ROBO2: variants seen among roughly 807,000 people sequenced by gnomAD.
ROBO2 encodes roundabout guidance receptor 2, also known as roundabout homolog 2.
ROBO2 carries 53 observed loss-of-function variants against 160.8 expected under a neutral mutation model. The observed-to-expected ratio is 0.33, with a 90% CI of 0.26 to 0.41. The LOEUF (loss-of-function observed/expected upper bound fraction) is 0.41. ROBO2 is among the 10% of genes least tolerant of loss of function. ROBO2 has a pLI of 1.00. For synonymous variants in ROBO2, 664 were observed against 611.7 expected (o/e 1.09, Z -1.26); for missense variants, 1,577 against 1,722.4 (o/e 0.92, Z 1.49).
intron 2 of ROBO2, among the ~76,000 whole-genome samples, chr3:76,235,643 AC>A (rs954527547): frequency 9.9e-5 from 15 of 152,214 alleles, no homozygotes; most frequent in African/African-American, 3.6e-4. Flanking sequence ...CCTCAGGGTA[AC>A]TTTCTAAATT....
At chr3:76,294,474 C>T (rs986229772) in intron 2 of ROBO2, among the ~76,000 whole-genome samples, 1 of 152,128 alleles carries the variant, frequency 6.6e-6, no homozygotes, top group African/African-American at 2.4e-5. Flanking sequence ...CCTTAATTGG[C>T]CCCAAATATC....
rs1372077507 is a variant in ROBO2, at chr3:77,369,469, T to A, written c.389-107945T>A. Among the ~76,000 whole-genome samples, 3 of 152,116 alleles carry A rather than the reference T, an allele frequency of 2.0e-5. No individual in the cohort carries two copies. The East Asian group carries it at 5.8e-4, about 29-fold the overall frequency. On this transcript the variant is annotated intron_variant, in intron 2 of 25. Transcript: ENST00000461745. Reference sequence around the variant, plus strand: ...TCTCTTGGAAACCAAGCGATAATCTTGTATAATGTTGAGTGATGCTAGCAG... The same window carrying A: ...TCTCTTGGAAACCAAGCGATAATCTAGTATAATGTTGAGTGATGCTAGCAG...
intron 2 of ROBO2, among the ~76,000 whole-genome samples, chr3:76,665,292 C>G (rs1295814168): frequency 6.6e-6 from 1 of 151,988 alleles, no homozygotes; most frequent in African/African-American, 2.4e-5. Flanking sequence ...TTGAAATCCT[C>G]AATAGCAAAG....
chr3:76,557,792 T>A (rs1333620627), intron 2 of ROBO2, among the ~76,000 whole-genome samples: 1 of 151,810 alleles, frequency 6.6e-6, no homozygotes, highest in Non-Finnish European at 1.5e-5. Flanking sequence ...ACTTGAAAAT[T>A]CTTTTCTTAC....
intron 2 of ROBO2, among the ~76,000 whole-genome samples, chr3:77,266,305 A>G (rs985275672): frequency 1.3e-5 from 2 of 151,804 alleles, no homozygotes; most frequent in African/African-American, 2.4e-5. Context: ...GATATGGACA[A>G]TCATTGAGCC....
chr3:77,148,911 G>T (rs2077332080), intron 2 of ROBO2, among the ~76,000 whole-genome samples: 1 of 152,036 alleles, frequency 6.6e-6, no homozygotes, highest in Non-Finnish European at 1.5e-5. Flanking sequence ...TTAAAAGAAT[G>T]TTTGAGAAAG....
chr3:77,034,072 A>T (rs1578398916), intron 2 of ROBO2, among the ~76,000 whole-genome samples: 3 of 126,728 alleles, frequency 2.4e-5, no homozygotes, highest in African/African-American at 1.0e-4. Context: ...TTGCTCAGAG[A>T]AAAAAAAAAT....
chr3:76,894,096 A>G (rs1368172531), intron 2 of ROBO2, among the ~76,000 whole-genome samples: 1 of 152,216 alleles, frequency 6.6e-6, no homozygotes, highest in Middle Eastern at 3.4e-3. Context: ...CTTGGTCTGT[A>G]CTTTGTTATT....
In ROBO2 at chr3:76,942,566, A is replaced by G. The variant is rs555217707; in HGVS notation, c.110-155448A>G. On this transcript the variant is annotated intron_variant, in intron 2 of 26. Transcript: ENST00000487694. The stretch of plus-strand genomic sequence containing the variant: ...CTCGTGGAAAAGCAGAAGCTCATAT[A>G]TGCCTGGGGATGCTTTTCTACACTC... Among the ~76,000 whole-genome samples the G allele has an allele frequency of 3.9e-5, 6 of 152,288 alleles. No homozygotes were observed. The South Asian group carries it at 1.2e-3, about 32-fold the overall frequency.
intron 2 of ROBO2, among the ~76,000 whole-genome samples, chr3:76,322,794 T>TAGGA (rs2072676712): frequency 6.6e-6 from 1 of 152,210 alleles, no homozygotes; most frequent in East Asian, 1.9e-4. Flanking sequence ...GTTTAAATTC[T>TAGGA]TACAATTTTG....
At chr3:77,211,615 T>C (rs1033250255) in intron 2 of ROBO2, among the ~76,000 whole-genome samples, 18 of 152,212 alleles carry the variant, frequency 1.2e-4, no homozygotes, top group Non-Finnish European at 2.9e-5. Flanking sequence ...TTTGTTACCA[T>C]TGCTTTTGGT....
chr3:77,074,117 G>A (rs2067694893), intron 1 of ROBO2, among the ~76,000 whole-genome samples: 1 of 152,130 alleles, frequency 6.6e-6, no homozygotes, highest in Admixed American at 6.5e-5. Flanking sequence ...TTTATCACTA[G>A]CACTGTGACT....
chr3:76,090,663 G>C (rs1301250125), intron 2 of ROBO2, among the ~76,000 whole-genome samples: 1 of 152,098 alleles, frequency 6.6e-6, no homozygotes, highest in African/African-American at 2.4e-5. Context: ...GAATAAAATT[G>C]GAGAAGTGAT....
At chr3:76,326,059 G>T (rs2072989718) in intron 2 of ROBO2, among the ~76,000 whole-genome samples, 2 of 152,158 alleles carry the variant, frequency 1.3e-5, no homozygotes, top group Non-Finnish European at 2.9e-5. Context: ...ATGTTATTTT[G>T]GTGATTAATT....
intron 2 of ROBO2, among the ~76,000 whole-genome samples, chr3:76,336,669 G>A (rs2073910100): frequency 6.6e-6 from 1 of 152,166 alleles, no homozygotes; most frequent in Non-Finnish European, 1.5e-5. Flanking sequence ...TAACATTTAA[G>A]TCATCCTCTG....
intron 2 of ROBO2, among the ~76,000 whole-genome samples, chr3:76,072,008 C>A (rs1258849250): frequency 6.6e-6 from 1 of 152,072 alleles, no homozygotes; most frequent in African/African-American, 2.4e-5. Flanking sequence ...ATTCTCAAAT[C>A]CATGTTATAC....
chr3:77,577,572 T>C, exon 15 of ROBO2: 1 of 1,613,254 alleles, frequency 6.2e-7, no homozygotes, highest in Non-Finnish European at 8.5e-7. Flanking sequence ...CCTGGGATCC[T>C]CCTCCTCCAG....
intron 2 of ROBO2, among the ~76,000 whole-genome samples, chr3:75,940,476 T>C (rs1377234214): frequency 6.6e-6 from 1 of 152,100 alleles, no homozygotes; most frequent in Non-Finnish European, 1.5e-5. Context: ...ACATCCATTT[T>C]CCTACTTCTG....
chr3:76,896,340 T>G (rs2074773725), intron 2 of ROBO2, among the ~76,000 whole-genome samples: 2 of 152,172 alleles, frequency 1.3e-5, no homozygotes, highest in South Asian at 4.1e-4. Flanking sequence ...AAAAGTAGCC[T>G]CAATCTTTGA....
Sources: gnomAD v4.1 joint callset for allele counts (sites outside exome capture counted in the v4.1 genomes callset) on GRCh38, gnomAD v4.1.1 for gene constraint, MANE v1.5 for transcripts, NCBI Gene and HGNC (gene_info 2026-07-23, HGNC 2026-07-21) for gene names.